Variants in IGSF8 observed in about 807,000 individuals in gnomAD.
IGSF8 encodes immunoglobulin superfamily member 8.
Under a neutral mutation model 55.5 loss-of-function variants are expected in IGSF8, and 46 were observed. The observed-to-expected ratio is 0.83, with a 90% CI of 0.65 to 1.06. IGSF8 has a LOEUF of 1.06. IGSF8 is among the 50% of genes least tolerant of loss of function. The pLI is 0.00. For synonymous variants in IGSF8, 314 were observed against 356.1 expected, an observed-to-expected ratio of 0.88 and a Z score of 1.33; for missense variants, 731 against 832.3, an observed-to-expected ratio of 0.88 and a Z score of 1.50.
chr1:160,095,126 A>T lies in IGSF8; in HGVS notation c.185T>A (p.Phe62Tyr). 1 of 1,614,056 alleles carries T rather than the reference A, an allele frequency of 6.2e-7. No homozygotes were observed. Among genetic ancestry groups the T allele is most frequent in the Non-Finnish European group, 8.5e-7 (1 of 1,180,036 alleles). Residue 62 changes from phenylalanine to tyrosine, a missense_variant, in exon 2 of 7, where the codon TTC becomes TAC. Transcript: ENST00000314485. ...TGYEGPAQQN[F>Y]EWFLYRPEAP... ...CTCGGGCCTATACAGGAACCACTCG[A>T]AGTTCTGCTGGGCAGGGCCCTCATA... is the stretch of plus-strand genomic sequence containing the variant.
At chr1:160,098,171 G>C (rs1381404730) in intron 1 of IGSF8, among the ~76,000 whole-genome samples, 1 of 152,220 alleles carries the variant, frequency 6.6e-6, no homozygotes, top group East Asian at 1.9e-4. Context: ...CAGTGCCTGG[G>C]GCAGCACCTT....
chr1:160,092,929 T>G lies in IGSF8; in HGVS notation c.1307A>C (p.Glu436Ala). 6.3e-7 allele frequency: 1 copy of G among 1,593,854 alleles called. No individual in the cohort carries two copies. Among genetic ancestry groups the G allele is most frequent in the Non-Finnish European group, 8.6e-7 (1 of 1,164,074 alleles). The change falls in exon 4 of 7, where the codon GAG (glutamate) becomes GCG (alanine). Residue 436 changes from glutamate to alanine, a missense_variant. By Grantham distance (107) the Glu-to-Ala change is moderately radical. Transcript: ENST00000314485. ...RSRPLPVHVR[E>A]EGVVLEAVAW... ...AGGGCCCAGCCCCCTCTCACCTTCC[T>G]CCCGCACATGTACAGGGAGAGGCCG...
At chr1:160,095,402 A>G in intron 1 of IGSF8, 156 bp from the exon 2 acceptor site, 1 of 751,210 alleles carries the variant, frequency 1.3e-6, no homozygotes, top group Admixed American at 2.9e-5. Context: ...TAGGAAAGGG[A>G]TGCTGTGATA....
In IGSF8 at chr1:160,094,727, G is replaced by T; in HGVS notation, c.442+142C>A. On this transcript the variant is annotated intron_variant, in intron 2 of 6. Transcript: ENST00000314485. This position sits in a 1 kb window ranked among gnomAD's most constrained non-coding sequence, Gnocchi z 4.0. ...CACATCAGCCACTGAGTTATTGGGT[G>T]ACTTTGTGCAAATCACTTAACCTCT... 1.1e-6 allele frequency: 1 copy of T among 886,590 alleles called. No homozygotes were observed. Among genetic ancestry groups the T allele is most frequent in the Non-Finnish European group, 1.7e-6 (1 of 589,300 alleles). The allele number at this position is 886,590 out of a possible 1,614,324, so 54.9% of individuals were successfully genotyped here.
At chr1:160,093,585 T>C in intron 3 of IGSF8, 125 bp downstream of exon 3, 1 of 858,660 alleles carries the variant, frequency 1.2e-6, no homozygotes, top group East Asian at 2.7e-5. Context: ...GCAAGGCTGC[T>C]CACTCTGTGG....
At chr1:160,095,330 T>G in intron 1 of IGSF8, 84 bp from the exon 2 acceptor site, 7 of 1,367,264 alleles carry the variant, frequency 5.1e-6, no homozygotes, top group Non-Finnish European at 6.9e-6. Flanking sequence ...TCTTGATCTC[T>G]GCCTACAAAA....
In IGSF8 at chr1:160,095,687, G is replaced by C. The variant is rs1400556458; in HGVS notation, c.65-441C>G. On this transcript the variant is annotated intron_variant, in intron 1 of 6. Transcript: ENST00000314485. ...CATGTCCCTCTCCTTTGCTTGAGGG[G>C]AGCTGGCAGTCTTGCTCAGAAGTGC... 7.9e-5 allele frequency among the ~76,000 whole-genome samples: 12 copies of C among 152,362 alleles called. No homozygotes were observed. In the South Asian group the frequency reaches 2.5e-3, roughly 32 times the overall value.
intron 3 of IGSF8, 127 bp from the exon 4 acceptor site, chr1:160,093,458 G>C: frequency 1.1e-6 from 1 of 925,150 alleles, no homozygotes; most frequent in Non-Finnish European, 1.6e-6. Flanking sequence ...CCCTCACTAG[G>C]TATGACCATC....
At chr1:160,098,063 G>T in intron 1 of IGSF8, 2 of 801,158 alleles carry the variant, frequency 2.5e-6, no homozygotes, top group Non-Finnish European at 3.0e-6. Flanking sequence ...CAGGCCTGGA[G>T]CTGAGTGTGG....
rs748310549 is a variant in IGSF8 at position 160,092,331 on chromosome 1, C to T, written c.1677G>A (p.Gln559=). 5.0e-6 allele frequency: 8 copies of T among 1,613,942 alleles called. No individual in the cohort carries two copies. The Admixed American group carries it at 1.0e-4, about 20-fold the overall frequency. ...CAGGCCCTGAGCGGGCACTGCCCGC[C>T]TGGTACCAGCTGTAGTCGGCATGCT... ...WVQHADYSWY[Q]AGSARSGPVT... The change falls in exon 5 of 7, where the codon CAG becomes CAA. Residue 559 remains glutamine, a synonymous_variant. Transcript: ENST00000314485.
At position 160,094,136 on chromosome 1, in the gene IGSF8, G is replaced by T. The variant is rs191687874; in HGVS notation, c.478C>A (p.Pro160Thr). The part of the protein sequence containing the change: ...PDVLQVSAAP[P>T]GPRGRQAPTS... ...GGGGCCTGGCGGCCTCGGGGCCCTG[G>T]GGGGGCAGCAGACACCTGGAGGACA... is the stretch of plus-strand genomic sequence containing the variant. Residue 160 changes from proline to threonine, a missense_variant, in exon 3 of 7, where the codon CCA becomes ACA. Pro to Thr is a conservative substitution (Grantham distance 38). Transcript: ENST00000314485. This position sits in a 1 kb window ranked among gnomAD's most constrained non-coding sequence, Gnocchi z 4.0. 1.8e-4 allele frequency: 296 copies of T among 1,604,786 alleles called. No individual in the cohort carries two copies. The highest frequency in any genetic ancestry group is 2.1e-4 in the Non-Finnish European group (250 of 1,179,350).
intron 1 of IGSF8, among the ~76,000 whole-genome samples, chr1:160,096,836 G>A (rs1424450052): frequency 6.6e-6 from 1 of 152,236 alleles, no homozygotes; most frequent in Non-Finnish European, 1.5e-5. Flanking sequence ...GGCCAGGCAA[G>A]TTTCATAATC....
In IGSF8 at chr1:160,093,897, A is replaced by G. The variant is rs999253733; in HGVS notation, c.717T>C (p.Ala239=). ...EAGAPYAERL[A]AGELRLGKEG... Reference sequence around the variant, plus strand: ...CCTTGCCCAGACGAAGCTCCCCTGCAGCCAATCGCTCAGCATAGGGAGCTC... The same window carrying G: ...CCTTGCCCAGACGAAGCTCCCCTGCGGCCAATCGCTCAGCATAGGGAGCTC... The change falls in exon 3 of 7, where the codon GCT becomes GCC. Residue 239 remains alanine (A), a synonymous_variant. Transcript: ENST00000314485. The G allele has an allele frequency of 3.7e-6, 6 of 1,614,102 alleles. No homozygotes were observed. The highest frequency in any genetic ancestry group is 1.3e-5 in the African/African-American group (1 of 74,936).
chr1:160,098,024 A>C, intron 1 of IGSF8: 3 of 970,708 alleles, frequency 3.1e-6, no homozygotes, highest in Non-Finnish European at 3.7e-6. Flanking sequence ...CTGGGCAGGC[A>C]CTGCCCTCGT....
chr1:160,095,635 C>T (rs557790972), intron 1 of IGSF8, among the ~76,000 whole-genome samples: 1 of 152,358 alleles, frequency 6.6e-6, no homozygotes, highest in Admixed American at 6.5e-5. Flanking sequence ...GCAAGGGGAG[C>T]CTTCTGGCTA....
upstream of IGSF8, chr1:160,098,768 C>G (rs1426247652): frequency 5.9e-6 from 2 of 339,212 alleles, no homozygotes; most frequent in Non-Finnish European, 1.1e-5. Context: ...GCCTGCCCCA[C>G]CCCCGCCAGA....
rs1649949840 is a variant in IGSF8, at chr1:160,091,532, G to A, written c.*92C>T. 3 of 407,940 alleles carry A rather than the reference G, an allele frequency of 7.4e-6. No individual in the cohort carries two copies. Among genetic ancestry groups the A allele is most frequent in the South Asian group, 5.6e-5 (2 of 36,022 alleles). The allele number at this position is 407,940 out of a possible 1,614,324, so 25.3% of individuals were successfully genotyped here. ...AGGTCAAATAAATTAAAGGAAGAGT[G>A]GACAGAGGGAGAGGGTGTCCAGGCA... On this transcript the variant is annotated 3_prime_UTR_variant, in exon 7 of 7. Coordinates refer to ENST00000314485, the MANE Select transcript of IGSF8 (RefSeq NM_052868.6).
At chr1:160,097,679 A>G in intron 1 of IGSF8, 1 of 985,392 alleles carries the variant, frequency 1.0e-6, no homozygotes, top group Non-Finnish European at 1.2e-6. Flanking sequence ...TCCATGCAAG[A>G]TTGGCCCAGA....
chr1:160,092,898 C>T (rs1570954656), intron 4 of IGSF8, 26 bp downstream of exon 4: 1 of 1,572,564 alleles, frequency 6.4e-7, no homozygotes, highest in East Asian at 2.3e-5. Context: ...TCCTCGAACC[C>T]CGTCCAGGGC....
Sources: allele counts gnomAD v4.1 joint callset (sites outside exome capture counted in the v4.1 genomes callset), GRCh38; gene constraint gnomAD v4.1.1; non-coding constraint Gnocchi (gnomAD v3.1); transcripts MANE v1.5; gene names NCBI Gene and HGNC (gene_info 2026-07-23, HGNC 2026-07-21).